Variants in ASTN1 observed in about 807,000 individuals in gnomAD.
The protein encoded by ASTN1 is astrotactin-1.
Under a neutral mutation model 140.7 loss-of-function variants are expected in ASTN1, and 41 were observed. The observed-to-expected ratio is 0.29, with a 90% confidence interval of 0.23 to 0.38. ASTN1 has a LOEUF of 0.38. Among genes scored for constraint, ASTN1 ranks in the 10% least tolerant of loss-of-function variants. The probability of loss-of-function intolerance (pLI) is 1.00; values close to 1 mark genes in which losing one functional copy is unlikely to be tolerated. For synonymous variants in ASTN1, 640 were observed against 652.2 expected (o/e 0.98, Z 0.29); for missense variants, 1,479 against 1,678.8 (o/e 0.88, Z 2.08).
intron 20 of ASTN1, among the ~76,000 whole-genome samples, chr1:176,878,179 A>G (rs1021835287): frequency 4.6e-5 from 7 of 152,152 alleles, no homozygotes; most frequent in African/African-American, 1.7e-4. Context: ...TAGATTCAGG[A>G]CACAGCAGGT....
chr1:177,143,098 G>A (rs1012227794), intron 1 of ASTN1, among the ~76,000 whole-genome samples: 3 of 152,170 alleles, frequency 2.0e-5, no homozygotes, highest in Admixed American at 6.5e-5. Flanking sequence ...TTGCTCCGGA[G>A]TTCTTAGCAA....
At chr1:177,053,700 C>A (rs944937817) in intron 2 of ASTN1, among the ~76,000 whole-genome samples, 4 of 152,100 alleles carry the variant, frequency 2.6e-5, no homozygotes, top group African/African-American at 9.7e-5. Flanking sequence ...CGCAAAAATG[C>A]AAAAGTTTGT....
At chr1:177,082,157 AT>A (rs1163755537) in intron 1 of ASTN1, among the ~76,000 whole-genome samples, 1 of 152,162 alleles carries the variant, frequency 6.6e-6, no homozygotes, top group Non-Finnish European at 1.5e-5. Context: ...GCATAGGAAA[AT>A]TCTTGTCTAA....
chr1:177,077,893 C>CA (rs34304950), intron 1 of ASTN1, among the ~76,000 whole-genome samples: 1 of 151,938 alleles, frequency 6.6e-6, no homozygotes, highest in Non-Finnish European at 1.5e-5. Context: ...TGGTTTGACA[C>CA]AAAAAGGTGA....
At chr1:177,147,197 A>G (rs984809249) in intron 1 of ASTN1, among the ~76,000 whole-genome samples, 11 of 152,188 alleles carry the variant, frequency 7.2e-5, no homozygotes, top group Non-Finnish European at 1.5e-4. Context: ...CTGATTTCTT[A>G]ATATTATGAT....
chr1:177,164,532 G>C lies in ASTN1; in HGVS notation c.145C>G (p.Arg49Gly). 6.2e-7 allele frequency: 1 copy of C among 1,613,922 alleles called. No homozygotes were observed. The highest frequency in any genetic ancestry group is 8.5e-7 in the Non-Finnish European group (1 of 1,179,942). ...SITVSALPFL[R>G]ENDLSIMHSP... is the part of the protein sequence containing the mutation. ...TGCATGATGCTCAGGTCGTTCTCGC[G>C]CAGGAAGGGCAGTGCCGACACCGTG... The change falls in exon 1 of 23, where the codon CGC becomes GGC. Residue 49 changes from arginine (R) to glycine (G), a missense_variant. By Grantham distance (125) the Arg-to-Gly change is moderately radical. Coordinates refer to ENST00000361833, the MANE Select transcript of ASTN1 (RefSeq NM_004319.3).
chr1:176,963,263 A>C (rs1175618353), intron 9 of ASTN1, among the ~76,000 whole-genome samples: 3 of 152,214 alleles, frequency 2.0e-5, no homozygotes. Context: ...TCAACAGGAC[A>C]CTAAATCATG....
At chr1:176,932,174 C>T (rs542997328) in intron 16 of ASTN1, among the ~76,000 whole-genome samples, 1 of 152,218 alleles carries the variant, frequency 6.6e-6, no homozygotes, top group African/African-American at 2.4e-5. Context: ...AACAGAGAAA[C>T]TCATTTTACT....
intron 1 of ASTN1, among the ~76,000 whole-genome samples, chr1:177,118,893 T>C (rs1681235498): frequency 6.6e-6 from 1 of 152,162 alleles, no homozygotes; most frequent in South Asian, 2.1e-4. Flanking sequence ...ACTTACTGGG[T>C]GGGAGGCCTT....
At chr1:177,067,690 C>A (rs1278064516) in intron 1 of ASTN1, among the ~76,000 whole-genome samples, 1 of 152,118 alleles carries the variant, frequency 6.6e-6, no homozygotes, top group Admixed American at 6.5e-5. Flanking sequence ...TAGTATCAAG[C>A]GTGACCCAAG....
At chr1:177,157,330 T>C (rs1390990036) in intron 1 of ASTN1, among the ~76,000 whole-genome samples, 1 of 152,166 alleles carries the variant, frequency 6.6e-6, no homozygotes, top group African/African-American at 2.4e-5. Flanking sequence ...TTGTTTTGTT[T>C]TGTTTTATAA....
At position 177,149,135 on chromosome 1, in the gene ASTN1, C is replaced by CATATATATAGT. The variant is rs1491383776; in HGVS notation, c.283+15248_283+15258dup. On this transcript the variant is annotated intron_variant, in intron 1 of 22. Coordinates refer to ENST00000361833, the MANE Select transcript of ASTN1 (RefSeq NM_004319.3). Reference sequence around the variant, plus strand: ...GTATATATAGTAAATATATATAGTGCATATATATAGTGCATATATATAGTG... The same window carrying CATATATATAGT: ...GTATATATAGTAAATATATATAGTGCATATATATAGTATATATATAGTGCATATATATAGTG... 2.2e-5 allele frequency among the ~76,000 whole-genome samples: 2 copies of CATATATATAGT among 89,098 alleles called. 1 individual carries two copies. The highest frequency in any genetic ancestry group is 1.7e-4 in the African/African-American group (2 of 11,644). 58.5% of individuals were successfully genotyped at this position (89,098 alleles called of 152,430 possible). A position where few individuals can be genotyped will look rare whatever the true frequency, so the allele number is the denominator to read the frequency against.
chr1:176,994,110 C>G (rs1021983849), intron 8 of ASTN1, among the ~76,000 whole-genome samples: 1 of 151,822 alleles, frequency 6.6e-6, no homozygotes, highest in Admixed American at 6.6e-5. Context: ...CCACCCCCCC[C>G]GCCACCCACC....
chr1:177,024,192 A>G (rs1675980147), intron 6 of ASTN1, among the ~76,000 whole-genome samples: 1 of 152,228 alleles, frequency 6.6e-6, no homozygotes, highest in African/African-American at 2.4e-5. Flanking sequence ...TTTCTCACCC[A>G]GGCATACAAA....
chr1:176,951,079 C>CT (rs2103119001), intron 11 of ASTN1, among the ~76,000 whole-genome samples: 1 of 152,330 alleles, frequency 6.6e-6, no homozygotes, highest in Non-Finnish European at 1.5e-5. Flanking sequence ...AAATGGCCCC[C>CT]TGTGGGCCTG....
chr1:177,160,433 T>C (rs937628127), intron 1 of ASTN1, among the ~76,000 whole-genome samples: 15 of 152,206 alleles, frequency 9.9e-5, no homozygotes, highest in South Asian at 8.3e-4. Context: ...AGGAATACCT[T>C]CTTCAATCAA....
Position 177,079,874 on chromosome 1 carries a change from G to C in ASTN1, c.284-18609C>G, listed in dbSNP as rs182150311. On this transcript the variant is annotated intron_variant, in intron 1 of 22. Coordinates refer to ENST00000361833, the MANE Select transcript of ASTN1 (RefSeq NM_004319.3). ...GAGAAAGAATCCCACACCAGGTCTC[G>C]TTCTGTTATTGCCTCTCAAAATTCA... 2.1e-3 allele frequency among the ~76,000 whole-genome samples: 318 copies of C among 152,054 alleles called. 3 individuals carry two copies. Among genetic ancestry groups the C allele is most frequent in the Admixed American group, 4.6e-3 (71 of 15,274 alleles).
At chr1:176,904,094 C>A (rs1557948239) in intron 16 of ASTN1, among the ~76,000 whole-genome samples, 1 of 152,312 alleles carries the variant, frequency 6.6e-6, no homozygotes, top group East Asian at 1.9e-4. Flanking sequence ...AGGTCACATT[C>A]TGAGGTTCCG....
At chr1:177,029,593 C>T in intron 5 of ASTN1, 41 bp downstream of exon 5, 1 of 1,595,202 alleles carries the variant, frequency 6.3e-7, no homozygotes, top group African/African-American at 1.3e-5. Flanking sequence ...TCCCTCACTC[C>T]CAGATCCTTT....
Sources: gnomAD v4.1 joint callset for allele counts (sites outside exome capture counted in the v4.1 genomes callset) on GRCh38, gnomAD v4.1.1 for gene constraint, MANE v1.5 for transcripts, NCBI Gene and HGNC (gene_info 2026-07-23, HGNC 2026-07-21) for gene names.